IQSEC1: variants seen among roughly 807,000 people sequenced by gnomAD.
IQSEC1 encodes the protein IQ motif and Sec7 domain ArfGEF 1.
Under a neutral mutation model 91.0 loss-of-function variants are expected in IQSEC1, and 31 were observed. That is an observed-to-expected ratio of 0.34 (90% CI 0.26 to 0.46). The LOEUF is 0.46. Ranked by LOEUF, IQSEC1 falls within the 20% of genes least tolerant of loss-of-function variation. The pLI is 1.00. For synonymous variants in IQSEC1, 699 were observed against 662.6 expected (o/e 1.05, Z -0.84); for missense variants, 1,388 against 1,575.6 (o/e 0.88, Z 2.02).
At chr3:13,148,804 C>T (rs1176362314) in intron 2 of IQSEC1, among the ~76,000 whole-genome samples, 8 of 152,268 alleles carry the variant, frequency 5.3e-5, no homozygotes, top group East Asian at 1.9e-4. Flanking sequence ...AATGAGGACA[C>T]GTCAGGCTAG....
intron 1 of IQSEC1, among the ~76,000 whole-genome samples, chr3:12,969,671 T>A (rs1318945658): frequency 2.6e-5 from 4 of 152,238 alleles, no homozygotes; most frequent in Non-Finnish European, 5.9e-5. Context: ...TGGAGCACTC[T>A]GGGCACGGTC....
At chr3:13,170,590 C>T (rs561026042) in intron 1 of IQSEC1, among the ~76,000 whole-genome samples, 4 of 152,346 alleles carry the variant, frequency 2.6e-5, no homozygotes, top group South Asian at 2.1e-4. Context: ...ACCACAGGGA[C>T]GGAGCTTCCA....
intron 1 of IQSEC1, among the ~76,000 whole-genome samples, chr3:13,171,934 G>A (rs1359487916): frequency 6.6e-6 from 1 of 152,080 alleles, no homozygotes; most frequent in African/African-American, 2.4e-5. Context: ...TCTGGGAGGC[G>A]AGCTGAGGGG....
upstream of IQSEC1, among the ~76,000 whole-genome samples, chr3:13,077,297 C>T (rs948753264): frequency 2.0e-5 from 3 of 152,196 alleles, no homozygotes; most frequent in Admixed American, 1.3e-4. Context: ...CAGAACATGA[C>T]GAATATGATG....
chr3:13,012,478 T>C (rs919094901), intron 1 of IQSEC1, among the ~76,000 whole-genome samples: 5 of 152,186 alleles, frequency 3.3e-5, no homozygotes, highest in African/African-American at 1.2e-4. Context: ...CATTTCCTCT[T>C]TTCTAGTCCC....
chr3:13,232,497 C>T (rs1487248054), intron 1 of IQSEC1, among the ~76,000 whole-genome samples: 1 of 152,120 alleles, frequency 6.6e-6, no homozygotes, highest in Non-Finnish European at 1.5e-5. Flanking sequence ...AGGGAGGTGG[C>T]AGGGAGAAGA....
chr3:13,176,511 T>A (rs775036510), intron 1 of IQSEC1, among the ~76,000 whole-genome samples: 1 of 152,152 alleles, frequency 6.6e-6, no homozygotes, highest in Non-Finnish European at 1.5e-5. Flanking sequence ...CACCAACCAG[T>A]AAAGCAGTCG....
chr3:13,279,618 C>T (rs886431090), intron 1 of IQSEC1, among the ~76,000 whole-genome samples: 12 of 152,310 alleles, frequency 7.9e-5, no homozygotes, highest in African/African-American at 2.9e-4. Context: ...TCCATCCAAC[C>T]CCCCTCGAGT....
chr3:13,227,393 A>AG (rs1553576760), intron 1 of IQSEC1, among the ~76,000 whole-genome samples: 67 of 140,886 alleles, frequency 4.8e-4, no homozygotes, highest in African/African-American at 1.4e-3. Context: ...AAAAAAAAAA[A>AG]AAAGAAAGAA....
intron 1 of IQSEC1, among the ~76,000 whole-genome samples, chr3:12,993,253 A>T (rs1022076087): frequency 2.0e-5 from 3 of 152,214 alleles, no homozygotes; most frequent in Admixed American, 6.5e-5. Flanking sequence ...TAATGGCAGG[A>T]GGGGCTGCCC....
At chr3:13,049,978 G>A (rs1036880787) in intron 1 of IQSEC1, among the ~76,000 whole-genome samples, 14 of 152,152 alleles carry the variant, frequency 9.2e-5, no homozygotes, top group African/African-American at 3.1e-4. Flanking sequence ...CAGGCCTGCT[G>A]TGGCCCAGTG....
intron 1 of IQSEC1, among the ~76,000 whole-genome samples, chr3:13,201,123 C>T (rs1041370257): frequency 6.6e-6 from 1 of 152,182 alleles, no homozygotes. Flanking sequence ...TCTCACTCTT[C>T]CATCTGCAGC....
At chr3:13,063,841 G>A (rs1383138218) in intron 1 of IQSEC1, among the ~76,000 whole-genome samples, 2 of 152,176 alleles carry the variant, frequency 1.3e-5, no homozygotes, top group Non-Finnish European at 2.9e-5. Context: ...GTAGAGGTTG[G>A]TGACCATGGT....
At chr3:13,199,089 G>A (rs1372597576) in intron 1 of IQSEC1, among the ~76,000 whole-genome samples, 5 of 152,206 alleles carry the variant, frequency 3.3e-5, no homozygotes, top group East Asian at 1.9e-4. Context: ...TGCATGGCAC[G>A]GCGGGGGTGC....
intron 2 of IQSEC1, among the ~76,000 whole-genome samples, chr3:13,151,322 CAG>C (rs1706995814): frequency 6.6e-6 from 1 of 152,218 alleles, no homozygotes; most frequent in Admixed American, 6.5e-5. Flanking sequence ...CATGTTGTAG[CAG>C]AGTGTCAGTC....
chr3:13,157,498 C>G (rs1229460296), intron 2 of IQSEC1, among the ~76,000 whole-genome samples: 1 of 152,182 alleles, frequency 6.6e-6, no homozygotes, highest in African/African-American at 2.4e-5. Context: ...GGCCACACAG[C>G]AGAATGAACA....
rs548431554 is a variant in IQSEC1, at chr3:13,160,291, G to A, written c.302+3813C>T. ...ACCTTGGGGCAGGGCAAGAGCTGGT[G>A]GGGAGGAGGTGTCTCTCAGGGCTAT... On this transcript the variant is annotated intron_variant, in intron 2 of 15. Coordinates refer to the IQSEC1 transcript ENST00000648114. 2.0e-5 allele frequency among the ~76,000 whole-genome samples: 3 copies of A among 152,210 alleles called. No homozygotes were observed. In the East Asian group the frequency reaches 5.8e-4, roughly 29 times the overall value.
At chr3:13,045,364 G>A (rs1704455299) in intron 1 of IQSEC1, among the ~76,000 whole-genome samples, 1 of 152,188 alleles carries the variant, frequency 6.6e-6, no homozygotes, top group Non-Finnish European at 1.5e-5. Flanking sequence ...CTCTGTGAAG[G>A]CAGCAGGACT....
chr3:13,166,828 C>T (rs11715528), intron 1 of IQSEC1, among the ~76,000 whole-genome samples: 55,689 of 152,040 alleles, frequency 0.37, 10,753 homozygotes, highest in Non-Finnish European at 0.43. Context: ...CAGGACTGCA[C>T]TGACCCAGAA....
Sources: gnomAD v4.1 joint callset for allele counts (sites outside exome capture counted in the v4.1 genomes callset) on GRCh38, gnomAD v4.1.1 for gene constraint, MANE v1.5 for transcripts, NCBI Gene and HGNC (gene_info 2026-07-23, HGNC 2026-07-21) for gene names.